Variants in RBM20 observed in about 807,000 individuals in gnomAD.
RBM20 encodes the protein RNA-binding protein 20.
A neutral mutation model predicts 110.1 loss-of-function variants in RBM20; 51 were observed. The ratio of observed to expected loss-of-function variants is 0.46; its 90% confidence interval spans 0.37 to 0.59. The LOEUF (loss-of-function observed/expected upper bound fraction) is 0.59. RBM20 is among the 20% of genes least tolerant of loss of function. RBM20 has a pLI of 0.00. For missense variants in RBM20, 1,512 were observed against 1,574.9 expected (o/e 0.96, Z 0.68); for synonymous variants, 589 against 618.2 (o/e 0.95, Z 0.70).
intron 9 of RBM20, among the ~76,000 whole-genome samples, chr10:110,816,027 C>G (rs1317525641): frequency 6.6e-6 from 1 of 152,168 alleles, no homozygotes; most frequent in Non-Finnish European, 1.5e-5. Flanking sequence ...CCCCACAGGG[C>G]TGCCCCTGGA....
chr10:110,679,344 C>T (rs1438243359), intron 1 of RBM20, among the ~76,000 whole-genome samples: 1 of 152,086 alleles, frequency 6.6e-6, no homozygotes, highest in African/African-American at 2.4e-5. Context: ...TTGCCTCAGC[C>T]TCACGAGTAG....
chr10:110,677,262 G>T (rs969330910), intron 1 of RBM20, among the ~76,000 whole-genome samples: 14 of 152,064 alleles, frequency 9.2e-5, no homozygotes, highest in African/African-American at 3.1e-4. Context: ...ACCTATAAAT[G>T]GATTAATCCA....
chr10:110,778,553 C>CCA (rs1262730058), intron 1 of RBM20, among the ~76,000 whole-genome samples: 2 of 152,182 alleles, frequency 1.3e-5, no homozygotes, highest in African/African-American at 4.8e-5. Flanking sequence ...ACTAAGGTGT[C>CCA]CCAGTTGTGC....
At chr10:110,649,249 A>T (rs547246232) in intron 1 of RBM20, among the ~76,000 whole-genome samples, 27 of 151,666 alleles carry the variant, frequency 1.8e-4, no homozygotes, top group Middle Eastern at 3.4e-3. Context: ...ATTTATTTAT[A>T]TATTTATTTA....
chr10:110,788,270 G>T (rs902982005), intron 5 of RBM20, among the ~76,000 whole-genome samples: 1 of 152,190 alleles, frequency 6.6e-6, no homozygotes, highest in Non-Finnish European at 1.5e-5. Context: ...CGTTGCAGGT[G>T]ACAGGGACTT....
At chr10:110,741,737 C>G (rs1843727638) in intron 1 of RBM20, among the ~76,000 whole-genome samples, 2 of 151,208 alleles carry the variant, frequency 1.3e-5, no homozygotes, top group Admixed American at 1.3e-4. Context: ...CATCACCTGG[C>G]TTTGTCCTAC....
At chr10:110,711,921 C>T (rs1862935863) in intron 1 of RBM20, among the ~76,000 whole-genome samples, 1 of 151,988 alleles carries the variant, frequency 6.6e-6, no homozygotes, top group Non-Finnish European at 1.5e-5. Context: ...TGTTGTTACT[C>T]ATTTAATATT....
At position 110,831,681 on chromosome 10, in the gene RBM20, A is replaced by AAAAC. The variant is rs1554844416; in HGVS notation, c.3573+502_3573+503insCAAA. Among the ~76,000 whole-genome samples the AAAAC allele has an allele frequency of 2.0e-3, 285 of 146,100 alleles. 1 individual carries two copies. Among genetic ancestry groups the AAAAC allele is most frequent in the Non-Finnish European group, 3.4e-3 (223 of 66,232 alleles). Reference sequence around the variant, plus strand: ...CTTGCTAGAATAAAAAAAAAAAAAAAAAAAAAAAAACACTGCTTTGTTCTT... The same window carrying AAAAC: ...CTTGCTAGAATAAAAAAAAAAAAAAAAAACAAAAAAAAAACACTGCTTTGTTCTT... On this transcript the variant is annotated intron_variant, in intron 13 of 13. Coordinates refer to ENST00000369519, the MANE Select transcript of RBM20 (RefSeq NM_001134363.3).
intron 8 of RBM20, among the ~76,000 whole-genome samples, chr10:110,811,699 G>T (rs1463223901): frequency 1.3e-5 from 2 of 151,868 alleles, no homozygotes; most frequent in Non-Finnish European, 1.5e-5. Context: ...ACCTCTGAGC[G>T]TGCCCTCCCC....
intron 1 of RBM20, among the ~76,000 whole-genome samples, chr10:110,771,166 G>A (rs893595236): frequency 3.3e-5 from 5 of 152,022 alleles, no homozygotes; most frequent in African/African-American, 1.2e-4. Flanking sequence ...TTTTTTTGTG[G>A]GTTTTTTTGA....
chr10:110,655,908 T>TA (rs1232134318), intron 1 of RBM20, among the ~76,000 whole-genome samples: 2 of 151,782 alleles, frequency 1.3e-5, no homozygotes, highest in Non-Finnish European at 2.9e-5. Flanking sequence ...TTTGGTCTTT[T>TA]TTTTTTCAAT....
chr10:110,831,686 A>AAC (rs1225815486), intron 13 of RBM20, among the ~76,000 whole-genome samples: 1 of 134,170 alleles, frequency 7.5e-6, no homozygotes, highest in African/African-American at 2.6e-5. Flanking sequence ...AAAAAAAAAA[A>AAC]AAAAACACTG....
chr10:110,757,690 A>G (rs1437545411), intron 1 of RBM20, among the ~76,000 whole-genome samples: 2 of 152,230 alleles, frequency 1.3e-5, no homozygotes, highest in Non-Finnish European at 2.9e-5. Context: ...TAGGCACAGC[A>G]CTGGGCATTG....
At chr10:110,754,452 T>C (rs148357235) in intron 1 of RBM20, among the ~76,000 whole-genome samples, 5 of 152,296 alleles carry the variant, frequency 3.3e-5, no homozygotes, top group Non-Finnish European at 7.4e-5. Flanking sequence ...TTGTCCTCTT[T>C]TGGGACTCCA....
intron 1 of RBM20, among the ~76,000 whole-genome samples, chr10:110,741,989 C>G (rs908694123): frequency 6.6e-6 from 1 of 152,186 alleles, no homozygotes; most frequent in Non-Finnish European, 1.5e-5. Flanking sequence ...CCCAGTTTGA[C>G]AGAGGGAGGG....
At chr10:110,643,589 G>A (rs1225477360), upstream of RBM20, among the ~76,000 whole-genome samples, 1 of 152,238 alleles carries the variant, frequency 6.6e-6, no homozygotes, top group Non-Finnish European at 1.5e-5. Context: ...AGAATAAAAT[G>A]TACGCATGGT....
chr10:110,794,489 G>C (rs1844525728), intron 5 of RBM20, among the ~76,000 whole-genome samples: 1 of 152,244 alleles, frequency 6.6e-6, no homozygotes, highest in Non-Finnish European at 1.5e-5. Flanking sequence ...ATAATCTGCT[G>C]AAGTAAATGG....
chr10:110,804,962 A>G (rs1844676224), intron 7 of RBM20, among the ~76,000 whole-genome samples: 1 of 152,208 alleles, frequency 6.6e-6, no homozygotes, highest in Non-Finnish European at 1.5e-5. Flanking sequence ...TTTCAGAGCC[A>G]TTGGTCTTGC....
intron 1 of RBM20, among the ~76,000 whole-genome samples, chr10:110,692,638 G>GTA (rs1426671847): frequency 6.6e-6 from 1 of 152,052 alleles, no homozygotes; most frequent in Non-Finnish European, 1.5e-5. Flanking sequence ...CATTGTGTGT[G>GTA]TGTGTGTAAC....
Sources: allele counts gnomAD v4.1 joint callset (sites outside exome capture counted in the v4.1 genomes callset), GRCh38; gene constraint gnomAD v4.1.1; transcripts MANE v1.5; gene names NCBI Gene and HGNC (gene_info 2026-07-23, HGNC 2026-07-21).